Variants in PTPN20 observed in about 807,000 individuals in gnomAD.
The protein encoded by PTPN20 is protein tyrosine phosphatase non-receptor type 20, also known as tyrosine-protein phosphatase non-receptor type 20.
In PTPN20, 9 loss-of-function variants were observed where a neutral mutation model predicts 35.0. The observed-to-expected ratio is 0.26, with a 90% CI of 0.15 to 0.45. PTPN20 has a LOEUF of 0.45. Among genes scored for constraint, PTPN20 ranks in the 20% least tolerant of loss-of-function variants. PTPN20 has a pLI of 1.00. For missense variants in PTPN20, 111 were observed against 312.5 expected (o/e 0.36, Z 4.86); for synonymous variants, 32 against 100.2 (o/e 0.32, Z 4.06).
intron 9 of PTPN20, among the ~76,000 whole-genome samples, chr10:46,993,703 C>G (rs2058465002): frequency 1.3e-5 from 2 of 152,208 alleles, no homozygotes; most frequent in African/African-American, 4.8e-5. Context: ...CACATTTCAA[C>G]TGCTTATTAT....
At chr10:46,947,558 G>A (rs2045316565) in intron 5 of PTPN20, among the ~76,000 whole-genome samples, 2 of 151,224 alleles carry the variant, frequency 1.3e-5, no homozygotes, top group South Asian at 2.1e-4. Flanking sequence ...GTTCTATGAG[G>A]TTTGACCAAG....
chr10:47,003,528 T>C (rs2060136976), downstream of PTPN20, among the ~76,000 whole-genome samples: 1 of 150,820 alleles, frequency 6.6e-6, no homozygotes, highest in African/African-American at 2.4e-5. Flanking sequence ...GATAACTATG[T>C]AAAAATTAAT....
At chr10:46,940,563 C>T (rs2043141953) in intron 2 of PTPN20, 60 bp from the exon 3 acceptor site, 4 of 1,509,258 alleles carry the variant, frequency 2.7e-6, no homozygotes, top group Admixed American at 1.7e-5. Flanking sequence ...ATTAAGGCTC[C>T]ATTTTTCCTT....
At chr10:46,983,984 AT>A (rs2056315971) in intron 7 of PTPN20, among the ~76,000 whole-genome samples, 1 of 151,674 alleles carries the variant, frequency 6.6e-6, no homozygotes, top group Non-Finnish European at 1.5e-5. Context: ...ATCATTCTGC[AT>A]TTATTAAAAA....
intron 1 of PTPN20, among the ~76,000 whole-genome samples, chr10:46,923,258 G>A (rs1589183467): frequency 6.9e-6 from 1 of 144,514 alleles, no homozygotes; most frequent in East Asian, 2.0e-4. Flanking sequence ...CTGACACCTT[G>A]ATTTAAGGCT....
intron 7 of PTPN20, among the ~76,000 whole-genome samples, chr10:46,983,014 T>C (rs1758334502): frequency 6.6e-6 from 1 of 151,840 alleles, no homozygotes; most frequent in Non-Finnish European, 1.5e-5. Flanking sequence ...TTGTTGTGAT[T>C]TTTTAGAATG....
At position 46,999,916 on chromosome 10, in the gene PTPN20, A is replaced by G; in HGVS notation, c.1139A>G (p.Asn380Ser). 6.2e-7 allele frequency: 1 copy of G among 1,613,764 alleles called. No homozygotes were observed. The highest frequency in any genetic ancestry group is 1.3e-5 in the African/African-American group (1 of 75,028). ...FCAIVKNCSF[N>S]IMDIVAQMRE... ...ATTACTGTCATCTTATTACAGTTCAACATCATGGATATAGTGGCCCAAATG... is the reference window on the plus strand; with the variant it reads ...ATTACTGTCATCTTATTACAGTTCAGCATCATGGATATAGTGGCCCAAATG... The change falls in exon 10 of 11, where the codon AAC becomes AGC. Residue 380 changes from asparagine (N) to serine (S), a missense_variant. Physicochemically the swap from Asn to Ser is conservative, Grantham distance 46. Around this residue, in one of 5 missense-constraint regions of PTPN20, gnomAD observed 61 missense variants for 54.3 expected, o/e 1.12. Transcript: ENST00000374339.
chr10:47,003,022 A>G (rs974883004), downstream of PTPN20, among the ~76,000 whole-genome samples: 4 of 151,914 alleles, frequency 2.6e-5, no homozygotes, highest in African/African-American at 9.7e-5. Context: ...GTTTTCTTCT[A>G]TGTTGTCTTG....
chr10:46,977,197 C>T (rs2053980249), intron 7 of PTPN20, among the ~76,000 whole-genome samples: 1 of 152,294 alleles, frequency 6.6e-6, no homozygotes, highest in African/African-American at 2.4e-5. Context: ...GGAATTCTAC[C>T]TCCAGACTGC....
At chr10:46,937,543 A>G (rs2042044941) in intron 2 of PTPN20, among the ~76,000 whole-genome samples, 1 of 150,378 alleles carries the variant, frequency 6.6e-6, no homozygotes, top group Admixed American at 6.6e-5. Context: ...TTTTTTCGCT[A>G]CTGTGCGCTT....
intron 9 of PTPN20, among the ~76,000 whole-genome samples, chr10:46,993,291 G>A (rs2058363919): frequency 6.6e-6 from 1 of 152,196 alleles, no homozygotes; most frequent in African/African-American, 2.4e-5. Context: ...ACCCCAAGGG[G>A]AACCCTGGCA....
intron 9 of PTPN20, among the ~76,000 whole-genome samples, chr10:46,993,283 C>A (rs1316556945): frequency 6.6e-6 from 1 of 152,204 alleles, no homozygotes; most frequent in Non-Finnish European, 1.5e-5. Flanking sequence ...TCTCTTTAAC[C>A]CCAAGGGGAA....
intron 9 of PTPN20, among the ~76,000 whole-genome samples, chr10:46,993,816 G>A (rs1346585012): frequency 6.6e-6 from 1 of 152,112 alleles, no homozygotes; most frequent in African/African-American, 2.4e-5. Flanking sequence ...AGTTAGGCAT[G>A]GATTGCACAC....
chr10:46,952,791 T>C (rs1322349743), intron 5 of PTPN20, among the ~76,000 whole-genome samples: 1 of 151,936 alleles, frequency 6.6e-6, no homozygotes, highest in Non-Finnish European at 1.5e-5. Context: ...TGCAGACGTA[T>C]TCCTCGTTAC....
At chr10:46,996,258 A>T (rs1386910125) in intron 9 of PTPN20, among the ~76,000 whole-genome samples, 1 of 152,224 alleles carries the variant, frequency 6.6e-6, no homozygotes, top group Non-Finnish European at 1.5e-5. Context: ...AGTGAAAATT[A>T]TATAACTCTT....
At chr10:46,999,885 T>C (rs372908802) in intron 9 of PTPN20, 27 bp from the exon 10 acceptor site, 132 of 1,613,304 alleles carry the variant, frequency 8.2e-5, no homozygotes, top group Non-Finnish European at 8.4e-5. Context: ...ATGTGGATCA[T>C]ACAAAATTAC....
intron 1 of PTPN20, among the ~76,000 whole-genome samples, chr10:46,923,497 T>G (rs1368004740): frequency 6.8e-6 from 1 of 147,084 alleles, no homozygotes; most frequent in Non-Finnish European, 1.5e-5. Flanking sequence ...TTTTCTTTGC[T>G]TCTTTACTAA....
At position 47,001,732 on chromosome 10, in the gene PTPN20, G is replaced by C. The variant is rs1268773015; in HGVS notation, c.*991G>C. On this transcript the variant is annotated 3_prime_UTR_variant, in exon 11 of 11. Transcript: ENST00000374339. ...CCTCTGTTGAAACATTTAGAAACTG[G>C]ATTTGGGAACCCAATTTTGGAAAAC... is the stretch of plus-strand genomic sequence containing the variant. 3.9e-5 allele frequency: 6 copies of C among 152,060 alleles called. No individual in the cohort carries two copies. The highest frequency in any genetic ancestry group is 7.4e-5 in the Non-Finnish European group (5 of 67,946). The allele number at this position is 152,060 out of a possible 1,614,324, so 9.4% of individuals were successfully genotyped here.
intron 1 of PTPN20, among the ~76,000 whole-genome samples, chr10:46,923,648 CT>C (rs1410019197): frequency 4.0e-5 from 6 of 151,314 alleles, no homozygotes; most frequent in African/African-American, 1.5e-4. Context: ...CTTTGTTCTT[CT>C]TTAGTATTTT....
Sources: allele counts gnomAD v4.1 joint callset (sites outside exome capture counted in the v4.1 genomes callset), GRCh38; gene constraint gnomAD v4.1.1; regional missense constraint gnomAD v4.1.1; transcripts MANE v1.5; gene names NCBI Gene and HGNC (gene_info 2026-07-23, HGNC 2026-07-21).